The following MAP1A variants were observed in gnomAD, a reference collection of about 807,000 sequenced individuals.
MAP1A encodes the protein microtubule associated protein 1A, also known as microtubule-associated protein 1A.
A neutral mutation model predicts 185.9 loss-of-function variants in MAP1A; 42 were observed. The observed-to-expected ratio is 0.23, with a 90% CI of 0.18 to 0.29. MAP1A has a LOEUF of 0.29. MAP1A is among the 10% of genes least tolerant of loss of function. The pLI is 1.00. For missense variants in MAP1A, 2,995 were observed against 3,450.4 expected (o/e 0.87, Z 3.31); for synonymous variants, 1,229 against 1,335.9 (o/e 0.92, Z 1.74).
chr15:43,512,836 G>A (rs531562437), upstream of MAP1A, among the ~76,000 whole-genome samples: 8 of 152,298 alleles, frequency 5.3e-5, no homozygotes, highest in South Asian at 6.2e-4. Context: ...AGAGTGGAAG[G>A]AGGGGCTCCT....
At chr15:43,520,433 C>G (rs139784016) in intron 1 of MAP1A, among the ~76,000 whole-genome samples, 2 of 152,202 alleles carry the variant, frequency 1.3e-5, no homozygotes, top group African/African-American at 4.8e-5. Context: ...AGAGGACAGC[C>G]AGTGTGGGAG....
In MAP1A at chr15:43,531,486, G is replaced by A. The variant is rs529129996; in HGVS notation, c.*1262G>A. The A allele has an allele frequency of 6.5e-6, 1 of 152,850 alleles. No homozygotes were observed. Among genetic ancestry groups the A allele is most frequent in the Non-Finnish European group, 1.5e-5 (1 of 68,090 alleles). The allele number at this position is 152,850 out of a possible 1,614,324, so 9.5% of individuals were successfully genotyped here. On this transcript the variant is annotated 3_prime_UTR_variant, in exon 6 of 6. Transcript: ENST00000300231. ...TGGGAAACCAAAATGAGCCCACCTTGTGTTCTTCCTAGCTCCACCCTCCCC... is the reference window on the plus strand; with the variant it reads ...TGGGAAACCAAAATGAGCCCACCTTATGTTCTTCCTAGCTCCACCCTCCCC...
upstream of MAP1A, among the ~76,000 whole-genome samples, chr15:43,514,190 T>C (rs1447769783): frequency 6.6e-6 from 1 of 152,254 alleles, no homozygotes; most frequent in African/African-American, 2.4e-5. Flanking sequence ...CTTAGGGCCA[T>C]GTACCCTAGA....
Position 43,524,028 on chromosome 15 carries a change from C to T in MAP1A, c.2555C>T (p.Ala852Val), listed in dbSNP as rs1459074604. Residue 852 changes from alanine to valine, a missense_variant, in exon 4 of 6, where the codon GCC becomes GTC. Ala to Val is a moderately conservative substitution (Grantham distance 64). This residue lies in a region of MAP1A where 2,728 missense variants were observed against 2,986.0 expected (regional missense o/e 0.91). Coordinates refer to ENST00000300231, the MANE Select transcript of MAP1A (RefSeq NM_002373.6). ...ATSVAEDQSV[A>V]SLTAPQTEET... The stretch of plus-strand genomic sequence containing the variant: ...TCAGTGGCTGAGGACCAATCTGTGG[C>T]CTCACTTACAGCTCCCCAGACAGAG... The T allele has an allele frequency of 1.9e-6, 3 of 1,614,064 alleles. No homozygotes were observed. The highest frequency in any genetic ancestry group is 2.5e-6 in the Non-Finnish European group (3 of 1,180,014).
Position 43,529,957 on chromosome 15 carries a change from T to C in MAP1A, c.8256+87T>C. 1 of 1,555,368 alleles carries C rather than the reference T, an allele frequency of 6.4e-7. No homozygotes were observed. Among genetic ancestry groups the C allele is most frequent in the South Asian group, 1.1e-5 (1 of 88,406 alleles). ...AACACAGTCCCTATTTATTAAAGGA[T>C]GGGCCTTTTCTAAGGGCAGCAGAGC... On this transcript the variant is annotated intron_variant, in intron 5 of 5. Transcript: ENST00000300231. This position sits in a 1 kb window ranked among gnomAD's most constrained non-coding sequence, Gnocchi z 4.3.
At chr15:43,513,730 AC>A (rs1260553940), upstream of MAP1A, among the ~76,000 whole-genome samples, 7 of 152,076 alleles carry the variant, frequency 4.6e-5, no homozygotes, top group Admixed American at 1.3e-4. Flanking sequence ...CAGGCTACTC[AC>A]TCTTTTGAGA....
At position 43,526,146 on chromosome 15, in the gene MAP1A, T is replaced by C; in HGVS notation, c.4673T>C (p.Leu1558Ser). The C allele has an allele frequency of 6.2e-7, 1 of 1,613,942 alleles. No individual in the cohort carries two copies. ...DQALEQKYWALGQKDEALEQN... is the reference protein window; with the variant it reads ...DQALEQKYWASGQKDEALEQN... ...GCCTTAGAACAAAAATACTGGGCTTTGGGACAGAAGGATGAAGCCCTGGAA... is the reference window on the plus strand; with the variant it reads ...GCCTTAGAACAAAAATACTGGGCTTCGGGACAGAAGGATGAAGCCCTGGAA... The change falls in exon 4 of 6, where the codon TTG becomes TCG. Residue 1558 changes from leucine (L) to serine (S), a missense_variant. This residue lies in a region of MAP1A where 2,728 missense variants were observed against 2,986.0 expected (regional missense o/e 0.91). Transcript: ENST00000300231. This position sits in a 1 kb window ranked among gnomAD's most constrained non-coding sequence, Gnocchi z 4.7.
rs750541025 is a variant in MAP1A at position 43,524,889 on chromosome 15, G to C, written c.3416G>C (p.Arg1139Thr). ...AAACCTCAGAAAGATGAGGTGCTCAGATATCCTGACCGAAGCCTCTCTCCT... is the reference window on the plus strand; with the variant it reads ...AAACCTCAGAAAGATGAGGTGCTCACATATCCTGACCGAAGCCTCTCTCCT... ...PGKPQKDEVL[R>T]YPDRSLSPED... The change falls in exon 4 of 6, where the codon AGA becomes ACA. Residue 1139 changes from arginine (R) to threonine (T), a missense_variant. This residue lies in a region of MAP1A where 2,728 missense variants were observed against 2,986.0 expected (regional missense o/e 0.91). Coordinates refer to ENST00000300231, the MANE Select transcript of MAP1A (RefSeq NM_002373.6). 1.9e-6 allele frequency: 3 copies of C among 1,614,070 alleles called. No individual in the cohort carries two copies. The highest frequency in any genetic ancestry group is 2.5e-6 in the Non-Finnish European group (3 of 1,180,040).
Position 43,528,693 on chromosome 15 carries a change from T to G in MAP1A, c.7220T>G (p.Leu2407Arg). The change falls in exon 4 of 6, where the codon CTC (leucine) becomes CGC (arginine). Residue 2407 changes from leucine (L) to arginine (R), a missense_variant. Around this residue, in one of 3 missense-constraint regions of MAP1A, gnomAD observed 2,728 missense variants for 2,986.0 expected, o/e 0.91. Coordinates refer to ENST00000300231, the MANE Select transcript of MAP1A (RefSeq NM_002373.6). The part of the protein sequence containing the change: ...AERSSRPDTL[L>R]SPEQPVCPAG... ...AGGAGCTCCCGGCCTGACACATTGCTCTCCCCTGAGCAGCCAGTGTGTCCT... is the reference window on the plus strand; with the variant it reads ...AGGAGCTCCCGGCCTGACACATTGCGCTCCCCTGAGCAGCCAGTGTGTCCT... 6.2e-7 allele frequency: 1 copy of G among 1,613,660 alleles called. No individual in the cohort carries two copies. Among genetic ancestry groups the G allele is most frequent in the Non-Finnish European group, 8.5e-7 (1 of 1,179,958 alleles).
At chr15:43,514,051 C>T (rs576901660), upstream of MAP1A, among the ~76,000 whole-genome samples, 6 of 152,252 alleles carry the variant, frequency 3.9e-5, no homozygotes, top group Non-Finnish European at 5.9e-5. Context: ...TAAGATGCAG[C>T]GATACTTGGG....
At position 43,523,091 on chromosome 15, in the gene MAP1A, C is replaced by T. The variant is rs200095632; in HGVS notation, c.1618C>T (p.Arg540Cys). ...CACACAGGACTTTGAGGAGATGAAGCGTGAGGAGAGGGCTTTGCTGGCTGA... is the reference window on the plus strand; with the variant it reads ...CACACAGGACTTTGAGGAGATGAAGTGTGAGGAGAGGGCTTTGCTGGCTGA... ...DLTQDFEEMK[R>C]EERALLAEQR... The change falls in exon 4 of 6, where the codon CGT (arginine) becomes TGT (cysteine). Residue 540 changes from arginine to cysteine, a missense_variant. By Grantham distance (180) the Arg-to-Cys change is radical. Coordinates refer to ENST00000300231, the MANE Select transcript of MAP1A (RefSeq NM_002373.6). The T allele has an allele frequency of 1.3e-4, 213 of 1,613,992 alleles. 3 individuals carry two copies. The highest frequency in any genetic ancestry group is 3.3e-4 in the Middle Eastern group (2 of 6,084).
chr15:43,522,611 G>A lies in MAP1A; in HGVS notation c.1138G>A (p.Val380Met). The A allele has an allele frequency of 6.2e-7, 1 of 1,612,950 alleles. No individual in the cohort carries two copies. The highest frequency in any genetic ancestry group is 8.5e-7 in the Non-Finnish European group (1 of 1,179,482). The part of the protein sequence containing the change: ...PPEKPAKPER[V>M]KTESSEALKA... ...AGAGAAGCCTGCCAAGCCTGAGAGG[G>A]TGAAGACAGAGTCAAGTGAGGCACT... The change falls in exon 4 of 6, where the codon GTG becomes ATG. Residue 380 changes from valine to methionine, a missense_variant. By Grantham distance (21) the Val-to-Met change is conservative. Transcript: ENST00000300231. This position sits in a 1 kb window ranked among gnomAD's most constrained non-coding sequence, Gnocchi z 5.9.
At position 43,524,936 on chromosome 15, in the gene MAP1A, G is replaced by C. The variant is rs1189437073; in HGVS notation, c.3463G>C (p.Val1155Leu). Reference protein sequence around the residue: ...LSPEDAESLSVLSVPSPDTAN... With the variant: ...LSPEDAESLSLLSVPSPDTAN... ...TCCTGAAGATGCAGAATCCCTCTCT[G>C]TCCTCAGCGTGCCCTCCCCAGACAC... The change falls in exon 4 of 6, where the codon GTC becomes CTC. Residue 1155 changes from valine (V) to leucine (L), a missense_variant. Val to Leu is a conservative substitution (Grantham distance 32, BLOSUM62 1). This residue lies in a region of MAP1A where 2,728 missense variants were observed against 2,986.0 expected (regional missense o/e 0.91). Transcript: ENST00000300231. The C allele has an allele frequency of 6.2e-7, 1 of 1,614,046 alleles. No individual in the cohort carries two copies. Among genetic ancestry groups the C allele is most frequent in the South Asian group, 1.1e-5 (1 of 91,072 alleles).
At chr15:43,517,374 T>A (rs2079301391), upstream of MAP1A, among the ~76,000 whole-genome samples, 1 of 152,022 alleles carries the variant, frequency 6.6e-6, no homozygotes, top group South Asian at 2.1e-4. Flanking sequence ...ATTTCCTAAC[T>A]AAGCAGGGTT....
In MAP1A at chr15:43,529,820, G is replaced by C; in HGVS notation, c.8206G>C (p.Val2736Leu). The part of the protein sequence containing the change: ...DPANGEPSRA[V>L]LDALLEGKAQ... ...TGCCAATGGCGAGCCAAGCCGGGCTGTGCTGGATGCCCTGCTGGAGGGCAA... is the reference window on the plus strand; with the variant it reads ...TGCCAATGGCGAGCCAAGCCGGGCTCTGCTGGATGCCCTGCTGGAGGGCAA... Residue 2736 changes from valine (V) to leucine (L), a missense_variant, in exon 5 of 6, where the codon GTG (valine) becomes CTG (leucine). By Grantham distance (32) the Val-to-Leu change is conservative. This residue lies in a region of MAP1A where 2,728 missense variants were observed against 2,986.0 expected (regional missense o/e 0.91). Transcript: ENST00000300231. This position sits in a 1 kb window ranked among gnomAD's most constrained non-coding sequence, Gnocchi z 4.3. 1 of 1,614,112 alleles carries C rather than the reference G, an allele frequency of 6.2e-7. No individual in the cohort carries two copies. The highest frequency in any genetic ancestry group is 1.7e-5 in the Admixed American group (1 of 60,034).
At position 43,527,763 on chromosome 15, in the gene MAP1A, G is replaced by A. The variant is rs2079352011; in HGVS notation, c.6290G>A (p.Gly2097Asp). Residue 2097 changes from glycine to aspartate, a missense_variant, in exon 4 of 6, where the codon GGC becomes GAC. Coordinates refer to ENST00000300231, the MANE Select transcript of MAP1A (RefSeq NM_002373.6). ...AGGTCCCCATCCCCCAAGGAATCAG[G>A]CCGGAGTCACTGGGATGACAGCACT... Reference protein sequence around the residue: ...DRRSPSPKESGRSHWDDSTSD... With the variant: ...DRRSPSPKESDRSHWDDSTSD... 2.5e-6 allele frequency: 4 copies of A among 1,613,714 alleles called. No homozygotes were observed. The highest frequency in any genetic ancestry group is 3.4e-6 in the Non-Finnish European group (4 of 1,179,850).
Position 43,529,662 on chromosome 15 carries a change from C to A in MAP1A, c.8048C>A (p.Ser2683Tyr). 6.2e-7 allele frequency: 1 copy of A among 1,614,026 alleles called. No homozygotes were observed. The change falls in exon 5 of 6, where the codon TCC (serine) becomes TAC (tyrosine). Residue 2683 changes from serine (S) to tyrosine (Y), a missense_variant. Around this residue, in one of 3 missense-constraint regions of MAP1A, gnomAD observed 2,728 missense variants for 2,986.0 expected, o/e 0.91. Coordinates refer to ENST00000300231, the MANE Select transcript of MAP1A (RefSeq NM_002373.6). The surrounding 1 kb of genome is among the most constrained non-coding windows in gnomAD (Gnocchi z 4.3). ...CTTGTCTCTACAGTGGCCTTGAGTT[C>A]CAAGGGCAGCTCTGGTGCCCCTGTA... The part of the protein sequence containing the change: ...GLKAGPMALS[S>Y]KGSSGAPVYV...
At position 43,524,190 on chromosome 15, in the gene MAP1A, G is replaced by A. The variant is rs768982134; in HGVS notation, c.2717G>A (p.Gly906Asp). The A allele has an allele frequency of 1.2e-6, 2 of 1,614,214 alleles. No homozygotes were observed. The highest frequency in any genetic ancestry group is 1.7e-6 in the Non-Finnish European group (2 of 1,180,052). Residue 906 changes from glycine to aspartate, a missense_variant, in exon 4 of 6, where the codon GGC becomes GAC. Coordinates refer to ENST00000300231, the MANE Select transcript of MAP1A (RefSeq NM_002373.6). Reference sequence around the variant, plus strand: ...ACCTCCTCACTGGAAGAAGACAAGGGCTTCAAATCACCACCCTGTGAGGAC... The same window carrying A: ...ACCTCCTCACTGGAAGAAGACAAGGACTTCAAATCACCACCCTGTGAGGAC... ...SPTSSLEEDK[G>D]FKSPPCEDFS...
rs1395279764 is a variant in MAP1A, at chr15:43,528,474, C to T, written c.7001C>T (p.Pro2334Leu). 16 of 1,613,370 alleles carry T rather than the reference C, an allele frequency of 9.9e-6. No individual in the cohort carries two copies. Among genetic ancestry groups the T allele is most frequent in the Middle Eastern group, 1.6e-4 (1 of 6,084 alleles). The change falls in exon 4 of 6, where the codon CCG becomes CTG. Residue 2334 changes from proline to leucine, a missense_variant. By Grantham distance (98) the Pro-to-Leu change is moderately conservative (BLOSUM62 -3). Coordinates refer to ENST00000300231, the MANE Select transcript of MAP1A (RefSeq NM_002373.6). ...GGAGACATGGGTGATGGCATCCTGC[C>T]GTGCCACCTGGAGTGCTCAGAGGCA... ...LPGDMGDGIL[P>L]CHLECSEAAT...
Sources: allele counts gnomAD v4.1 joint callset (sites outside exome capture counted in the v4.1 genomes callset), GRCh38; gene constraint gnomAD v4.1.1; regional missense constraint gnomAD v4.1.1; non-coding constraint Gnocchi (gnomAD v3.1); transcripts MANE v1.5; gene names NCBI Gene and HGNC (gene_info 2026-07-23, HGNC 2026-07-21).